Variants in FGD5 observed in about 807,000 individuals in gnomAD.
The protein encoded by FGD5 is FYVE, RhoGEF and PH domain containing 5.
Under a neutral mutation model 133.4 loss-of-function variants are expected in FGD5, and 28 were observed. The observed-to-expected ratio is 0.21, with a 90% confidence interval of 0.16 to 0.29. The LOEUF (loss-of-function observed/expected upper bound fraction) is 0.29. FGD5 is among the 10% of genes least tolerant of loss of function. The probability of loss-of-function intolerance (pLI) is 1.00; values close to 1 mark genes in which losing one functional copy is unlikely to be tolerated. For synonymous variants in FGD5, 810 were observed against 776.5 expected (o/e 1.04, Z -0.72); for missense variants, 1,858 against 1,895.2 (o/e 0.98, Z 0.36).
chr3:14,889,523 A>G (rs1005060531), intron 4 of FGD5, among the ~76,000 whole-genome samples: 5 of 152,220 alleles, frequency 3.3e-5, no homozygotes. Context: ...GAACATCACC[A>G]TAAACACCTG....
intron 1 of FGD5, among the ~76,000 whole-genome samples, chr3:14,822,932 T>A (rs759437706): frequency 6.6e-5 from 10 of 152,246 alleles, no homozygotes; most frequent in Non-Finnish European, 1.2e-4. Context: ...GATAATTCTC[T>A]TGAGTATTTT....
chr3:14,839,374 C>A (rs1025285186), intron 1 of FGD5, among the ~76,000 whole-genome samples: 6 of 152,236 alleles, frequency 3.9e-5, no homozygotes, highest in South Asian at 4.2e-4. Flanking sequence ...TGGTCTGGAA[C>A]CTGCTATGCC....
At chr3:14,835,323 C>T (rs1348613646) in intron 1 of FGD5, among the ~76,000 whole-genome samples, 3 of 152,088 alleles carry the variant, frequency 2.0e-5, no homozygotes, top group African/African-American at 7.2e-5. Flanking sequence ...CATGGTGATG[C>T]CCCATCTCTG....
In FGD5 at chr3:14,819,125, A is replaced by C. The variant is rs1310381155; in HGVS notation, c.54A>C (p.Pro18=). 2 of 1,550,954 alleles carry C rather than the reference A, an allele frequency of 1.3e-6. No homozygotes were observed. The highest frequency in any genetic ancestry group is 1.7e-6 in the Non-Finnish European group (2 of 1,147,000). Residue 18 remains proline, a synonymous_variant, in exon 1 of 20, where the codon CCA becomes CCC. Coordinates refer to ENST00000285046, the MANE Select transcript of FGD5 (RefSeq NM_152536.4). This position sits in a 1 kb window ranked among gnomAD's most constrained non-coding sequence, Gnocchi z 4.1. ...CCCCCAAGCCCAGGCTGACTGCCCC[A>C]AACGAGTGGAGAGCCAGTGTGTACC... is the stretch of plus-strand genomic sequence containing the variant. ...PIAPKPRLTA[P]NEWRASVYLN... is the part of the protein sequence containing the mutation.
chr3:14,899,876 A>G (rs542902041), intron 7 of FGD5, among the ~76,000 whole-genome samples: 137 of 152,378 alleles, frequency 9.0e-4, no homozygotes, highest in Non-Finnish European at 1.6e-3. Context: ...GACATGAGCC[A>G]TATGAAGATC....
chr3:14,897,793 T>C (rs1402420664), intron 5 of FGD5, 124 bp downstream of exon 5: 7 of 1,452,292 alleles, frequency 4.8e-6, no homozygotes, highest in Non-Finnish European at 6.5e-6. Context: ...CTCCGAAGTG[T>C]TAAGTCATTT....
chr3:14,932,619 A>C lies in FGD5; in HGVS notation c.4240A>C (p.Ile1414Leu), dbSNP rs1034882217. ...LESMPLLGFTIAPEKEEGSSE... is the reference protein window; with the variant it reads ...LESMPLLGFTLAPEKEEGSSE... ...GAGTATGCCTCTGCTAGGCTTCACC[A>C]TTGCTCCAGAAAAGGAAGAGGGCAG... Residue 1414 changes from isoleucine (I) to leucine (L), a missense_variant, in exon 19 of 20, where the codon ATT (isoleucine) becomes CTT (leucine). Ile to Leu is a conservative substitution (Grantham distance 5). Transcript: ENST00000285046. The C allele has an allele frequency of 6.2e-7, 1 of 1,613,998 alleles. No homozygotes were observed. The highest frequency in any genetic ancestry group is 1.3e-5 in the African/African-American group (1 of 75,064).
At chr3:14,911,580 C>T (rs558029724) in intron 11 of FGD5, among the ~76,000 whole-genome samples, 2 of 152,040 alleles carry the variant, frequency 1.3e-5, no homozygotes, top group African/African-American at 4.8e-5. Flanking sequence ...GTCAAAGCAC[C>T]GTGTGCAGTG....
At chr3:14,852,041 A>G (rs540509101) in intron 1 of FGD5, among the ~76,000 whole-genome samples, 82 of 152,366 alleles carry the variant, frequency 5.4e-4, no homozygotes, top group African/African-American at 1.9e-3. Context: ...ACAGTCTGGT[A>G]GTTCTCAAAA....
Position 14,922,180 on chromosome 3 carries a change from G to C in FGD5, c.3669+163G>C. 2 of 980,656 alleles carry C rather than the reference G, an allele frequency of 2.0e-6. No homozygotes were observed. Among genetic ancestry groups the C allele is most frequent in the South Asian group, 3.1e-5 (2 of 63,764 alleles). The allele number at this position is 980,656 out of a possible 1,614,324, so 60.7% of individuals were successfully genotyped here. On this transcript the variant is annotated intron_variant, in intron 14 of 19. Coordinates refer to ENST00000285046, the MANE Select transcript of FGD5 (RefSeq NM_152536.4). The surrounding 1 kb of genome is among the most constrained non-coding windows in gnomAD (Gnocchi z 4.1). ...CATGCTCCCACCCTAGTCAGGGGCG[G>C]CCTCCGTGTAACCTAGGAGCCCAGC...
chr3:14,917,025 G>A lies in FGD5; in HGVS notation c.3406-224G>A, dbSNP rs2038569735. Among the ~76,000 whole-genome samples the A allele has an allele frequency of 6.6e-6, 1 of 152,214 alleles. No individual in the cohort carries two copies. Among genetic ancestry groups the A allele is most frequent in the East Asian group, 1.9e-4 (1 of 5,194 alleles). ...AAAGCCACTATGAACATACTCACAC[G>A]ACTTCTTGAGGGCATATGCATTTAT... On this transcript the variant is annotated intron_variant, in intron 11 of 19. Coordinates refer to ENST00000285046, the MANE Select transcript of FGD5 (RefSeq NM_152536.4). This position sits in a 1 kb window ranked among gnomAD's most constrained non-coding sequence, Gnocchi z 4.1.
Position 14,911,362 on chromosome 3 carries a change from C to T in FGD5, c.3405+433C>T, listed in dbSNP as rs542624394. Reference sequence around the variant, plus strand: ...AGATAACATTTTTGCTTATGGACAACTGGAGTCTTCCATACCAGGGAGTGT... The same window carrying T: ...AGATAACATTTTTGCTTATGGACAATTGGAGTCTTCCATACCAGGGAGTGT... On this transcript the variant is annotated intron_variant, in intron 11 of 19. Coordinates refer to ENST00000285046, the MANE Select transcript of FGD5 (RefSeq NM_152536.4). Among the ~76,000 whole-genome samples the T allele has an allele frequency of 8.0e-4, 122 of 152,268 alleles. 1 individual carries two copies. Among genetic ancestry groups the T allele is most frequent in the African/African-American group, 2.8e-3 (115 of 41,542 alleles).
chr3:14,898,108 G>GTCCT lies in FGD5; in HGVS notation c.3066+14_3066+17dup. 2 of 1,613,962 alleles carry GTCCT rather than the reference G, an allele frequency of 1.2e-6. No homozygotes were observed. The highest frequency in any genetic ancestry group is 1.7e-6 in the Non-Finnish European group (2 of 1,179,860). On this transcript the variant is annotated intron_variant, in intron 6 of 19. Transcript: ENST00000285046. ...CCGTGAATTTGAGGTGGGTCCCTTG[G>GTCCT]TCCTCTGAGACCCTGCTGTAAGGAT...
chr3:14,933,309 C>T lies in FGD5; in HGVS notation c.*142C>T, dbSNP rs2038930310. 1 of 820,682 alleles carries T rather than the reference C, an allele frequency of 1.2e-6. No individual in the cohort carries two copies. The highest frequency in any genetic ancestry group is 2.0e-6 in the Non-Finnish European group (1 of 491,792). The allele number at this position is 820,682 out of a possible 1,614,324, so 50.8% of individuals were successfully genotyped here. ...GACCTTTTTTGCTATAACCGCCCCACCACTCCCCTGCCCTTGCCAACATCT... is the reference window on the plus strand; with the variant it reads ...GACCTTTTTTGCTATAACCGCCCCATCACTCCCCTGCCCTTGCCAACATCT... On this transcript the variant is annotated 3_prime_UTR_variant, in exon 20 of 20. Transcript: ENST00000285046.
chr3:14,831,473 C>T (rs1319072845), intron 1 of FGD5, among the ~76,000 whole-genome samples: 1 of 152,084 alleles, frequency 6.6e-6, no homozygotes, highest in Non-Finnish European at 1.5e-5. Context: ...TTTTAAGCGG[C>T]TGGGTCTCAG....
In FGD5 at chr3:14,819,629, A is replaced by C; in HGVS notation, c.558A>C (p.Gly186=). The change falls in exon 1 of 20, where the codon GGA becomes GGC. Residue 186 remains glycine, a synonymous_variant. Transcript: ENST00000285046. The surrounding 1 kb of genome is among the most constrained non-coding windows in gnomAD (Gnocchi z 4.1). The stretch of plus-strand genomic sequence containing the variant: ...TGGAGGACAGTGGGCCTTGGGCTGG[A>C]GAGGGGGTCTTCCAGAGCGACCTCC... ...CSLEDSGPWA[G]EGVFQSDLLL... 6.4e-7 allele frequency: 1 copy of C among 1,550,998 alleles called. No individual in the cohort carries two copies. The highest frequency in any genetic ancestry group is 1.2e-5 in the South Asian group (1 of 83,984).
Position 14,921,530 on chromosome 3 carries a change from C to G in FGD5, c.3570-388C>G, listed in dbSNP as rs1209884785. On this transcript the variant is annotated intron_variant, in intron 13 of 19. Coordinates refer to ENST00000285046, the MANE Select transcript of FGD5 (RefSeq NM_152536.4). ...TGCCAGCTCCCACCTACCCCTCATC[C>G]TCCACAGGTACCCAGCCCTCTGTCC... 2.8e-5 allele frequency: 6 copies of G among 218,082 alleles called. No homozygotes were observed. The East Asian group carries it at 6.1e-4, about 22-fold the overall frequency. The allele number at this position is 218,082 out of a possible 1,614,324, so 13.5% of individuals were successfully genotyped here. A position where few individuals can be genotyped will look rare whatever the true frequency, so the allele number is the denominator to read the frequency against.
intron 1 of FGD5, among the ~76,000 whole-genome samples, chr3:14,840,365 G>A (rs557530422): frequency 2.0e-5 from 3 of 152,050 alleles, no homozygotes; most frequent in East Asian, 1.9e-4. Context: ...GGCTGGTCTC[G>A]AACTCCTGAC....
At chr3:14,825,486 C>T (rs753180447) in intron 1 of FGD5, among the ~76,000 whole-genome samples, 11 of 151,902 alleles carry the variant, frequency 7.2e-5, no homozygotes, top group South Asian at 2.1e-4. Context: ...TATGTACACA[C>T]GCACACGTGT....
Sources: gnomAD v4.1 joint callset for allele counts (sites outside exome capture counted in the v4.1 genomes callset) on GRCh38, gnomAD v4.1.1 for gene constraint, Gnocchi (gnomAD v3.1) non-coding constraint, MANE v1.5 for transcripts, NCBI Gene and HGNC (gene_info 2026-07-23, HGNC 2026-07-21) for gene names.